Variants in PEX5L observed in about 807,000 individuals in gnomAD.
PEX5L encodes PEX5-related protein.
In PEX5L, 30 loss-of-function variants were observed where a neutral mutation model predicts 84.0. The observed-to-expected ratio is 0.36, with a 90% confidence interval of 0.27 to 0.48. The LOEUF is 0.48. Among genes scored for constraint, PEX5L ranks in the 20% least tolerant of loss-of-function variants. The probability of loss-of-function intolerance (pLI) is 0.99; values close to 1 mark genes in which losing one functional copy is unlikely to be tolerated. For synonymous variants in PEX5L, 270 were observed against 283.1 expected (o/e 0.95, Z 0.46); for missense variants, 533 against 754.6 (o/e 0.71, Z 3.44).
chr3:179,903,921 A>T (rs1254393055), intron 2 of PEX5L, among the ~76,000 whole-genome samples: 1 of 152,244 alleles, frequency 6.6e-6, no homozygotes, highest in Non-Finnish European at 1.5e-5. Flanking sequence ...GTTTCTAAAC[A>T]TTCTGAAAGA....
intron 3 of PEX5L, chr3:179,888,241 T>C: frequency 9.7e-7 from 1 of 1,034,486 alleles, no homozygotes. Flanking sequence ...TCAGTGTGGG[T>C]GGATAAATGC....
intron 1 of PEX5L, among the ~76,000 whole-genome samples, chr3:180,022,583 C>A (rs541732668): frequency 1.3e-5 from 2 of 152,146 alleles, no homozygotes; most frequent in South Asian, 4.2e-4. Flanking sequence ...TTTACAATAG[C>A]AAAGTACAAA....
In PEX5L at chr3:179,800,196, C is replaced by G. The variant is rs1048532026; in HGVS notation, c.*1632G>C. Reference sequence around the variant, plus strand: ...TGATAAGCACGTGTGCACATTTACTCCTCAGTAGAAGCTTATTCCCCAGCC... The same window carrying G: ...TGATAAGCACGTGTGCACATTTACTGCTCAGTAGAAGCTTATTCCCCAGCC... On this transcript the variant is annotated 3_prime_UTR_variant, in exon 15 of 15. Coordinates refer to ENST00000467460, the MANE Select transcript of PEX5L (RefSeq NM_016559.3). 6.6e-6 allele frequency: 1 copy of G among 152,212 alleles called. No individual in the cohort carries two copies. Among genetic ancestry groups the G allele is most frequent in the East Asian group, 1.9e-4 (1 of 5,194 alleles). 9.4% of individuals were successfully genotyped at this position (152,212 alleles called of 1,614,324 possible). A position where few individuals can be genotyped will look rare whatever the true frequency, so the allele number is the denominator to read the frequency against.
chr3:180,005,436 AT>A (rs1316159607), intron 1 of PEX5L, among the ~76,000 whole-genome samples: 2 of 152,172 alleles, frequency 1.3e-5, no homozygotes, highest in African/African-American at 4.8e-5. Context: ...AATTAAAAAA[AT>A]ATTTTTGTAG....
chr3:179,988,403 T>G (rs1787060409), intron 1 of PEX5L, among the ~76,000 whole-genome samples: 1 of 150,332 alleles, frequency 6.7e-6, no homozygotes, highest in African/African-American at 2.4e-5. Context: ...AATAAATAAA[T>G]AAATAAATAA....
At chr3:179,959,557 AAAT>A (rs1488540228) in intron 2 of PEX5L, among the ~76,000 whole-genome samples, 1 of 152,240 alleles carries the variant, frequency 6.6e-6, no homozygotes, top group Non-Finnish European at 1.5e-5. Context: ...ATTTCCATCA[AAAT>A]AATGTATTTT....
chr3:179,818,833 A>ATTTTC (rs139719450), intron 9 of PEX5L, among the ~76,000 whole-genome samples: 2 of 141,230 alleles, frequency 1.4e-5, no homozygotes, highest in Non-Finnish European at 3.1e-5. Flanking sequence ...TATGTACCAC[A>ATTTTC]TTTTCTTTTC....
At chr3:179,806,619 A>T (rs1348323346) in intron 14 of PEX5L, among the ~76,000 whole-genome samples, 1 of 152,272 alleles carries the variant, frequency 6.6e-6, no homozygotes, top group Non-Finnish European at 1.5e-5. Flanking sequence ...TTCTCTGATG[A>T]CTTACTAAAT....
Position 180,022,576 on chromosome 3 carries a change from A to G in PEX5L, c.21+14003T>C, listed in dbSNP as rs1025119038. On this transcript the variant is annotated intron_variant, in intron 1 of 14. Transcript: ENST00000467460. The stretch of plus-strand genomic sequence containing the variant: ...CTACCTTATTAATGTTGAATGTTTT[A>G]CAATAGCAAAGTACAAAATAAAACA... 3.3e-5 allele frequency among the ~76,000 whole-genome samples: 5 copies of G among 152,256 alleles called. No individual in the cohort carries two copies. In the East Asian group the frequency reaches 9.6e-4, roughly 29 times the overall value.
At position 179,803,339 on chromosome 3, in the gene PEX5L, T is replaced by C. The variant is rs548138422; in HGVS notation, c.1677-1307A>G. ...TTTTAAATGAATCTTTAACAATGTT[T>C]TCAGTTTAATTTCCAATACGGTAAA... On this transcript the variant is annotated intron_variant, in intron 14 of 14. Coordinates refer to ENST00000467460, the MANE Select transcript of PEX5L (RefSeq NM_016559.3). 1.3e-3 allele frequency among the ~76,000 whole-genome samples: 194 copies of C among 152,364 alleles called. 1 individual carries two copies. Among genetic ancestry groups the C allele is most frequent in the African/African-American group, 4.5e-3 (186 of 41,584 alleles).
intron 1 of PEX5L, among the ~76,000 whole-genome samples, chr3:179,994,807 T>A (rs776661802): frequency 1.4e-4 from 22 of 151,790 alleles, no homozygotes; most frequent in Middle Eastern, 3.2e-3. Flanking sequence ...GGCAGAAAAA[T>A]GTGAAAAGAC....
At chr3:179,886,963 A>C (rs1756074093) in intron 4 of PEX5L, among the ~76,000 whole-genome samples, 1 of 152,178 alleles carries the variant, frequency 6.6e-6, no homozygotes, top group African/African-American at 2.4e-5. Flanking sequence ...GAATGACATG[A>C]CTTTGAATGT....
chr3:180,010,497 T>C (rs1262868722), intron 1 of PEX5L, among the ~76,000 whole-genome samples: 1 of 152,046 alleles, frequency 6.6e-6, no homozygotes, highest in East Asian at 1.9e-4. Flanking sequence ...TTAATAGTGC[T>C]GAGGTTGAGA....
At chr3:180,013,762 C>T (rs1344386489) in intron 1 of PEX5L, among the ~76,000 whole-genome samples, 1 of 152,172 alleles carries the variant, frequency 6.6e-6, no homozygotes, top group Non-Finnish European at 1.5e-5. Context: ...TGAGGGTATT[C>T]ACCTCCACTT....
intron 3 of PEX5L, among the ~76,000 whole-genome samples, chr3:179,897,671 A>G (rs983275618): frequency 1.3e-5 from 2 of 152,160 alleles, no homozygotes; most frequent in Non-Finnish European, 2.9e-5. Context: ...GTATAGACAT[A>G]TATGTAGTAT....
chr3:179,841,046 T>G (rs902811755), intron 8 of PEX5L, among the ~76,000 whole-genome samples: 3 of 151,988 alleles, frequency 2.0e-5, no homozygotes, highest in Non-Finnish European at 2.9e-5. Flanking sequence ...GGAAAAGAGA[T>G]ACAAGTGGGG....
At position 180,036,733 on chromosome 3, in the gene PEX5L, C is replaced by T. The variant is rs1388857397; in HGVS notation, c.-134G>A. The T allele has an allele frequency of 7.6e-6, 7 of 926,206 alleles. No individual in the cohort carries two copies. In the Admixed American group the frequency reaches 1.3e-4, roughly 17 times the overall value. 57.4% of individuals were successfully genotyped at this position (926,206 alleles called of 1,614,324 possible). The stretch of plus-strand genomic sequence containing the variant: ...GGTGCTCCTGAGCCCCCTGGAGCTC[C>T]GGGTACTCGGCCGGCCGGCGGCCAC... On this transcript the variant is annotated 5_prime_UTR_variant, in exon 1 of 15. Coordinates refer to ENST00000467460, the MANE Select transcript of PEX5L (RefSeq NM_016559.3).
intron 1 of PEX5L, among the ~76,000 whole-genome samples, chr3:180,022,131 G>A (rs1221675240): frequency 6.6e-6 from 1 of 152,042 alleles, no homozygotes; most frequent in Non-Finnish European, 1.5e-5. Flanking sequence ...TTTTATTTTG[G>A]TATTTTAATT....
chr3:179,880,928 G>A (rs3774245), intron 4 of PEX5L: 8,823 of 152,302 alleles, frequency 0.058, 337 homozygotes, highest in South Asian at 0.12. Flanking sequence ...GTGAGAGATA[G>A]AAAATTCAAA....
Sources: allele counts gnomAD v4.1 joint callset (sites outside exome capture counted in the v4.1 genomes callset), GRCh38; gene constraint gnomAD v4.1.1; transcripts MANE v1.5; gene names NCBI Gene and HGNC (gene_info 2026-07-23, HGNC 2026-07-21).